Variants in PRDM11 observed in about 807,000 individuals in gnomAD.
PRDM11 encodes the protein PR/SET domain 11.
In PRDM11, 20 loss-of-function variants were observed where a neutral mutation model predicts 97.8. That is an observed-to-expected ratio of 0.20 (90% CI 0.14 to 0.30). PRDM11 has a LOEUF of 0.30. PRDM11 is among the 10% of genes least tolerant of loss of function. The pLI is 1.00. For synonymous variants in PRDM11, 599 were observed against 637.7 expected, an observed-to-expected ratio of 0.94 and a Z score of 0.91; for missense variants, 1,139 against 1,555.2, an observed-to-expected ratio of 0.73 and a Z score of 4.50.
chr11:45,209,260 C>A (rs780272491), intron 5 of PRDM11: 24 of 380,138 alleles, frequency 6.3e-5, no homozygotes, highest in African/African-American at 1.0e-4. Context: ...TTCCCCAGGG[C>A]GGAACTGGAT....
In PRDM11 at chr11:45,224,675, G is replaced by T. The variant is rs773353637; in HGVS notation, c.1201G>T (p.Asp401Tyr). The part of the protein sequence containing the change: ...DSPAEASLAS[D>Y]PHELPTTSFC... Reference sequence around the variant, plus strand: ...TCCTGCCGAGGCCTCCCTTGCATCTGACCCTCATGAACTTCCCACCACCTC... The same window carrying T: ...TCCTGCCGAGGCCTCCCTTGCATCTTACCCTCATGAACTTCCCACCACCTC... The change falls in exon 7 of 8, where the codon GAC (aspartate) becomes TAC (tyrosine). Residue 401 changes from aspartate to tyrosine, a missense_variant. By Grantham distance (160) the Asp-to-Tyr change is radical. Around this residue, in one of 2 missense-constraint regions of PRDM11, gnomAD observed 710 missense variants for 1,044.9 expected, o/e 0.68. Transcript: ENST00000683152. The T allele has an allele frequency of 2.3e-5, 37 of 1,614,070 alleles. No homozygotes were observed. The highest frequency in any genetic ancestry group is 2.8e-5 in the Non-Finnish European group (33 of 1,180,052).
chr11:45,102,451 C>G (rs1186964824), intron 1 of PRDM11, among the ~76,000 whole-genome samples: 30 of 152,208 alleles, frequency 2.0e-4, no homozygotes, highest in Admixed American at 1.9e-3. Flanking sequence ...CCTTGCAGCA[C>G]TCCCTGGGGC....
At chr11:45,208,533 C>T (rs111322619) in intron 5 of PRDM11, among the ~76,000 whole-genome samples, 4,715 of 152,186 alleles carry the variant, frequency 0.031, 134 homozygotes, top group South Asian at 0.061. Flanking sequence ...GTAATAAACC[C>T]GAAGAGTTGT....
intron 1 of PRDM11, among the ~76,000 whole-genome samples, chr11:45,109,902 C>T (rs1852137647): frequency 6.6e-6 from 1 of 152,176 alleles, no homozygotes; most frequent in Admixed American, 6.5e-5. Context: ...CCTCCCCATT[C>T]CAGTGTCCAG....
At chr11:45,208,678 T>C (rs965730122) in intron 5 of PRDM11, among the ~76,000 whole-genome samples, 1 of 152,132 alleles carries the variant, frequency 6.6e-6, no homozygotes, top group African/African-American at 2.4e-5. Context: ...CCCTCCCATG[T>C]AACGCCGTCT....
At chr11:45,117,489 G>C (rs563152631) in intron 1 of PRDM11, among the ~76,000 whole-genome samples, 22 of 152,320 alleles carry the variant, frequency 1.4e-4, no homozygotes, top group African/African-American at 5.3e-4. Context: ...GCTAATGCCT[G>C]TCATCCTAGC....
chr11:45,170,187 A>G (rs1852167597), intron 1 of PRDM11, among the ~76,000 whole-genome samples: 1 of 152,180 alleles, frequency 6.6e-6, no homozygotes, highest in Non-Finnish European at 1.5e-5. Flanking sequence ...TACTAAAAAC[A>G]CAAAAATTAG....
At chr11:45,156,051 C>CT (rs1851786320) in intron 1 of PRDM11, among the ~76,000 whole-genome samples, 4 of 152,200 alleles carry the variant, frequency 2.6e-5, no homozygotes, top group African/African-American at 9.6e-5. Flanking sequence ...CTGTCTGATT[C>CT]CAGAGTCTGA....
chr11:45,215,665 C>T lies in PRDM11; in HGVS notation c.555-3905C>T, dbSNP rs765196145. On this transcript the variant is annotated intron_variant, in intron 5 of 7. Coordinates refer to ENST00000683152, the MANE Select transcript of PRDM11 (RefSeq NM_001384648.1). The stretch of plus-strand genomic sequence containing the variant: ...TTCAGTGGGGATTGTTGGGCTAGCA[C>T]ATTAAAACAGGAAGAGGAAACTTGG... 2.2e-4 allele frequency: 34 copies of T among 152,240 alleles called. 1 individual carries two copies. The highest frequency in any genetic ancestry group is 4.8e-4 in the Non-Finnish European group (33 of 68,058). 9.4% of individuals were successfully genotyped at this position (152,240 alleles called of 1,614,324 possible). A position where few individuals can be genotyped will look rare whatever the true frequency, so the allele number is the denominator to read the frequency against.
intron 7 of PRDM11, 67 bp from the exon 8 acceptor site, chr11:45,225,928 C>T: frequency 7.0e-7 from 1 of 1,435,628 alleles, no homozygotes; most frequent in Non-Finnish European, 9.1e-7. Context: ...GGAGTGTTTC[C>T]TGTGGATTTT....
chr11:45,102,667 C>T (rs767263710), intron 1 of PRDM11, among the ~76,000 whole-genome samples: 2 of 152,052 alleles, frequency 1.3e-5, no homozygotes, highest in Non-Finnish European at 2.9e-5. Context: ...CCTGCCATCC[C>T]AGTCCATTAG....
upstream of PRDM11, among the ~76,000 whole-genome samples, chr11:45,094,439 G>C (rs1014118746): frequency 6.6e-6 from 1 of 152,122 alleles, no homozygotes; most frequent in South Asian, 2.1e-4. Flanking sequence ...GGGCTGGGAG[G>C]GGGTGGGGGA....
chr11:45,101,567 A>AAAAAAGAAG (rs767802218), intron 1 of PRDM11, among the ~76,000 whole-genome samples: 27 of 96,852 alleles, frequency 2.8e-4, no homozygotes, highest in Admixed American at 6.4e-4. Context: ...AAAAAAAAAA[A>AAAAAAGAAG]AAGAAGAAGA....
At chr11:45,141,394 T>G (rs1375820601) in intron 1 of PRDM11, among the ~76,000 whole-genome samples, 2 of 152,204 alleles carry the variant, frequency 1.3e-5, no homozygotes, top group Non-Finnish European at 2.9e-5. Context: ...GAAATTAGTT[T>G]ATAAAGGGCT....
At chr11:45,225,649 T>A (rs1032642265) in intron 7 of PRDM11, among the ~76,000 whole-genome samples, 4 of 152,204 alleles carry the variant, frequency 2.6e-5, no homozygotes, top group Non-Finnish European at 5.9e-5. Context: ...ATGTGTGATG[T>A]GCTTTTCCTC....
intron 1 of PRDM11, among the ~76,000 whole-genome samples, chr11:45,172,071 T>A (rs1366682359): frequency 6.6e-6 from 1 of 152,192 alleles, no homozygotes; most frequent in Non-Finnish European, 1.5e-5. Flanking sequence ...AACCCCTTTC[T>A]CAGGTGTGAT....
At chr11:45,183,406 G>C (rs1283776215) in intron 4 of PRDM11, among the ~76,000 whole-genome samples, 1 of 152,182 alleles carries the variant, frequency 6.6e-6, no homozygotes, top group Non-Finnish European at 1.5e-5. Flanking sequence ...GTGTGTGTCT[G>C]GTGGACCATT....
chr11:45,226,762 T>C lies in PRDM11; in HGVS notation c.2137T>C (p.Phe713Leu), dbSNP rs1278097512. ...ESYLQALDRAFSALGIRLQDE... is the reference protein window; with the variant it reads ...ESYLQALDRALSALGIRLQDE... ...CTATCTCCAGGCACTTGACCGGGCC[T>C]TCTCGGCCTTGGGCATCCGGTTGCA... The change falls in exon 8 of 8, where the codon TTC (phenylalanine) becomes CTC (leucine). Residue 713 changes from phenylalanine to leucine, a missense_variant. Physicochemically the swap from Phe to Leu is conservative, Grantham distance 22. Transcript: ENST00000683152. The C allele has an allele frequency of 6.5e-7, 1 of 1,533,846 alleles. No individual in the cohort carries two copies. Among genetic ancestry groups the C allele is most frequent in the African/African-American group, 1.4e-5 (1 of 72,982 alleles).
chr11:45,142,793 C>G (rs1389523870), upstream of PRDM11, among the ~76,000 whole-genome samples: 1 of 152,208 alleles, frequency 6.6e-6, no homozygotes, highest in African/African-American at 2.4e-5. Flanking sequence ...TGGACAAGAT[C>G]AGAACAGAAC....
Sources: gnomAD v4.1 joint callset for allele counts (sites outside exome capture counted in the v4.1 genomes callset) on GRCh38, gnomAD v4.1.1 for gene constraint, gnomAD v4.1.1 regional missense constraint, MANE v1.5 for transcripts, NCBI Gene and HGNC (gene_info 2026-07-23, HGNC 2026-07-21) for gene names.